The following EPHA3 variants were observed in gnomAD, a reference collection of about 807,000 sequenced individuals.
EPHA3 encodes the protein ephrin type-A receptor 3.
Under a neutral mutation model 107.1 loss-of-function variants are expected in EPHA3, and 42 were observed. That is an observed-to-expected ratio of 0.39 (90% CI 0.31 to 0.51). EPHA3 has a LOEUF of 0.51. Ranked by LOEUF, EPHA3 falls within the 20% of genes least tolerant of loss-of-function variation. The pLI is 0.78. For synonymous variants in EPHA3, 461 were observed against 424.8 expected (o/e 1.09, Z -1.05); for missense variants, 1,183 against 1,211.2 (o/e 0.98, Z 0.35).
At chr3:89,446,687 CT>C (rs542943619) in intron 13 of EPHA3, among the ~76,000 whole-genome samples, 120 of 147,716 alleles carry the variant, frequency 8.1e-4, no homozygotes, top group Middle Eastern at 3.5e-3. Context: ...ATAGAAAGGG[CT>C]TTTTTTTTTC....
Position 89,372,228 on chromosome 3 carries a change from A to C in EPHA3, c.1307-23609A>C, listed in dbSNP as rs115528375. Among the ~76,000 whole-genome samples, 589 of 151,672 alleles carry C rather than the reference A, an allele frequency of 3.9e-3. 4 individuals carry two copies. Among genetic ancestry groups the C allele is most frequent in the African/African-American group, 0.013 (541 of 41,454 alleles). The stretch of plus-strand genomic sequence containing the variant: ...TACTGACAAGAAGGTAGGGTATCTC[A>C]AGACAGGACATCCTAGGACAACTCA... On this transcript the variant is annotated intron_variant, in intron 5 of 16. Transcript: ENST00000336596.
chr3:89,107,641 C>A lies in EPHA3; in HGVS notation c.-108C>A. 1 of 1,029,290 alleles carries A rather than the reference C, an allele frequency of 9.7e-7. No individual in the cohort carries two copies. The highest frequency in any genetic ancestry group is 1.5e-6 in the Non-Finnish European group (1 of 676,112). 63.8% of individuals were successfully genotyped at this position (1,029,290 alleles called of 1,614,324 possible). A position where few individuals can be genotyped will look rare whatever the true frequency, so the allele number is the denominator to read the frequency against. ...TCTCCAGTGTCAAACTTGACATCAG[C>A]CTGCGAGCGGAGCATGGTAACTTCT... On this transcript the variant is annotated 5_prime_UTR_variant, in exon 1 of 17. Transcript: ENST00000336596.
chr3:89,168,606 GT>G (rs1559761125), intron 2 of EPHA3, among the ~76,000 whole-genome samples: 1 of 151,930 alleles, frequency 6.6e-6, no homozygotes, highest in African/African-American at 2.4e-5. Context: ...CTAAATTAGA[GT>G]TTAGTATATT....
At chr3:89,228,684 G>A (rs139753234) in intron 3 of EPHA3, among the ~76,000 whole-genome samples, 10 of 151,794 alleles carry the variant, frequency 6.6e-5, no homozygotes, top group Admixed American at 5.3e-4. Context: ...AAAATGTGCC[G>A]TGTTCTCTAG....
rs571272535 is a variant in EPHA3, at chr3:89,190,237, G to A, written c.154-19623G>A. 4.6e-5 allele frequency among the ~76,000 whole-genome samples: 7 copies of A among 151,996 alleles called. No homozygotes were observed. The East Asian group carries it at 7.7e-4, about 17-fold the overall frequency. ...AGAAAAATATTAACATTTCTGGACC[G>A]GTCTGATGATAGTACTTTAAATTAT... On this transcript the variant is annotated intron_variant, in intron 2 of 16. Coordinates refer to ENST00000336596, the MANE Select transcript of EPHA3 (RefSeq NM_005233.6).
At chr3:89,153,510 G>T (rs1704731922) in intron 2 of EPHA3, among the ~76,000 whole-genome samples, 1 of 151,922 alleles carries the variant, frequency 6.6e-6, no homozygotes, top group African/African-American at 2.4e-5. Flanking sequence ...CTTCCTTCCA[G>T]GTATCAGGCC....
chr3:89,248,431 A>C (rs1320319038), intron 3 of EPHA3, among the ~76,000 whole-genome samples: 1 of 152,180 alleles, frequency 6.6e-6, no homozygotes, highest in African/African-American at 2.4e-5. Flanking sequence ...TATTTTCTCC[A>C]GTTGAAGACA....
At chr3:89,282,200 A>G (rs1295090351) in intron 3 of EPHA3, among the ~76,000 whole-genome samples, 1 of 152,116 alleles carries the variant, frequency 6.6e-6, no homozygotes, top group Non-Finnish European at 1.5e-5. Context: ...ACAACCACAA[A>G]GTATCCAACT....
At chr3:89,265,238 T>C (rs1705509348) in intron 3 of EPHA3, among the ~76,000 whole-genome samples, 1 of 152,132 alleles carries the variant, frequency 6.6e-6, no homozygotes, top group African/African-American at 2.4e-5. Flanking sequence ...AAGCTACATT[T>C]CCCAAAACTG....
intron 3 of EPHA3, among the ~76,000 whole-genome samples, chr3:89,295,236 G>A (rs1466541643): frequency 6.6e-6 from 1 of 152,154 alleles, no homozygotes; most frequent in Non-Finnish European, 1.5e-5. Context: ...AAAAAACAGT[G>A]TACATACCTT....
intron 5 of EPHA3, among the ~76,000 whole-genome samples, chr3:89,355,468 G>A (rs1707925255): frequency 1.3e-5 from 2 of 151,362 alleles, no homozygotes; most frequent in Admixed American, 1.3e-4. Context: ...AGTGGAACAG[G>A]ACAGTAGCAA....
chr3:89,196,242 T>C (rs9810366), intron 2 of EPHA3, among the ~76,000 whole-genome samples: 34,713 of 152,104 alleles, frequency 0.23, 4,086 homozygotes, highest in Middle Eastern at 0.33. Context: ...CAGTGAAGAC[T>C]TCCCAGGCCA....
At chr3:89,211,255 T>G (rs2107185088) in intron 3 of EPHA3, among the ~76,000 whole-genome samples, 1 of 152,236 alleles carries the variant, frequency 6.6e-6, no homozygotes, top group South Asian at 2.1e-4. Context: ...TCGCTTTATA[T>G]TTTAAGTGGA....
chr3:89,113,715 G>A (rs1158881880), intron 1 of EPHA3, among the ~76,000 whole-genome samples: 1 of 145,466 alleles, frequency 6.9e-6, no homozygotes, highest in Non-Finnish European at 1.5e-5. Flanking sequence ...TAAAAACCCC[G>A]CACACTTAAA....
At chr3:89,192,906 A>G (rs1417378031) in intron 2 of EPHA3, among the ~76,000 whole-genome samples, 1 of 152,110 alleles carries the variant, frequency 6.6e-6, no homozygotes, top group Non-Finnish European at 1.5e-5. Context: ...GATATAGCCA[A>G]AATCAATAAA....
intron 15 of EPHA3, among the ~76,000 whole-genome samples, chr3:89,457,377 A>T (rs529768343): frequency 1.3e-5 from 2 of 152,160 alleles, no homozygotes; most frequent in Admixed American, 6.5e-5. Flanking sequence ...GCTGGTGAGC[A>T]TTACCGCCTG....
Position 89,481,248 on chromosome 3 carries a change from CTT to C in EPHA3, c.*1747_*1748del, listed in dbSNP as rs1409732630. 4.3e-6 allele frequency: 1 copy of C among 232,104 alleles called. No individual in the cohort carries two copies. Among genetic ancestry groups the C allele is most frequent in the Non-Finnish European group, 8.5e-6 (1 of 117,434 alleles). The allele number at this position is 232,104 out of a possible 1,614,324, so 14.4% of individuals were successfully genotyped here. On this transcript the variant is annotated 3_prime_UTR_variant, in exon 17 of 17. Transcript: ENST00000336596. The stretch of plus-strand genomic sequence containing the variant: ...CTGTTGTAGATTTAGTGTAATAAGA[CTT>C]AGATTGTGCTCCTTCGGATATGATT...
intron 3 of EPHA3, among the ~76,000 whole-genome samples, chr3:89,252,760 C>G (rs902015017): frequency 1.4e-4 from 21 of 151,680 alleles, no homozygotes; most frequent in African/African-American, 4.8e-4. Flanking sequence ...GTTTTTCATG[C>G]TCTTATCTTA....
rs191766341 is a variant in EPHA3 at position 89,402,289 on chromosome 3, A to G, written c.1594+2809A>G. On this transcript the variant is annotated intron_variant, in intron 7 of 16. Transcript: ENST00000336596. Reference sequence around the variant, plus strand: ...AGGATTTTTGCCAAGTAAGTTTTGTATTAGCAATGCTTCCATTGATTGAGA... The same window carrying G: ...AGGATTTTTGCCAAGTAAGTTTTGTGTTAGCAATGCTTCCATTGATTGAGA... Among the ~76,000 whole-genome samples, 102 of 152,292 alleles carry G rather than the reference A, an allele frequency of 6.7e-4. 1 individual carries two copies. Among genetic ancestry groups the G allele is most frequent in the African/African-American group, 2.2e-3 (92 of 41,584 alleles).
Sources: allele counts gnomAD v4.1 joint callset (sites outside exome capture counted in the v4.1 genomes callset), GRCh38; gene constraint gnomAD v4.1.1; transcripts MANE v1.5; gene names NCBI Gene and HGNC (gene_info 2026-07-23, HGNC 2026-07-21).